The following ZRANB1 variants were observed in gnomAD, a reference collection of about 807,000 sequenced individuals.
ZRANB1 encodes zinc finger RANBP2-type containing 1.
Under a neutral mutation model 80.5 loss-of-function variants are expected in ZRANB1, and 16 were observed. The ratio of observed to expected loss-of-function variants is 0.20; its 90% CI spans 0.13 to 0.30. The LOEUF is 0.30. ZRANB1 is among the 10% of genes least tolerant of loss of function. The pLI, the probability that ZRANB1 is intolerant of heterozygous loss-of-function variation, is 1.00. For synonymous variants in ZRANB1, 291 were observed against 293.1 expected (o/e 0.99, Z 0.07); for missense variants, 576 against 862.6 (o/e 0.67, Z 4.16).
chr10:124,970,609 T>A (rs1482003379), intron 2 of ZRANB1, among the ~76,000 whole-genome samples: 8 of 152,194 alleles, frequency 5.3e-5, no homozygotes, highest in Non-Finnish European at 1.2e-4. Flanking sequence ...TATGCAGGGT[T>A]TTTGAAATAT....
rs752883452 is a variant in ZRANB1 at position 124,984,837 on chromosome 10, G to C, written c.1972G>C (p.Gly658Arg). 1.9e-5 allele frequency: 31 copies of C among 1,613,878 alleles called. No homozygotes were observed. Among genetic ancestry groups the C allele is most frequent in the East Asian group, 6.7e-5 (3 of 44,890 alleles). ...GTGGCTGGACTGCTGTGTGACGGAGGGGGGAGTTCTGGTTGCCATGCAGAA... is the reference window on the plus strand; with the variant it reads ...GTGGCTGGACTGCTGTGTGACGGAGCGGGGAGTTCTGGTTGCCATGCAGAA... ...REWLDCCVTE[G>R]GVLVAMQKSS... is the part of the protein sequence containing the mutation. The change falls in exon 9 of 9, where the codon GGG (glycine) becomes CGG (arginine). Residue 658 changes from glycine to arginine, a missense_variant. By Grantham distance (125) the Gly-to-Arg change is moderately radical (BLOSUM62 -2). Around this residue, in one of 3 missense-constraint regions of ZRANB1, gnomAD observed 152 missense variants for 221.9 expected, o/e 0.69. Coordinates refer to ENST00000359653, the MANE Select transcript of ZRANB1 (RefSeq NM_017580.3).
At chr10:124,923,998 TCTCA>T in the ZRANB1 span, among the ~76,000 whole-genome samples, 12 of 150,238 alleles carry the variant, frequency 8.0e-5, no homozygotes, top group Middle Eastern at 0.01. Context: ...AAACTGTCCC[TCTCA>T]CTCCTGAACT....
intron 1 of ZRANB1, among the ~76,000 whole-genome samples, chr10:124,952,964 A>G (rs752411814): frequency 1.2e-4 from 18 of 150,280 alleles, no homozygotes; most frequent in Non-Finnish European, 2.2e-4. Flanking sequence ...TTGCTCTGTC[A>G]CCCAGCCTGG....
In ZRANB1 at chr10:124,985,642, G is replaced by A. The variant is rs1952015618; in HGVS notation, c.*650G>A. ...CTTACTTGTTTTGAAGAGGGTTTTG[G>A]TTTTGGTTATTGTGTCTTTAAGTTT... On this transcript the variant is annotated 3_prime_UTR_variant, in exon 9 of 9. Coordinates refer to ENST00000359653, the MANE Select transcript of ZRANB1 (RefSeq NM_017580.3). The A allele has an allele frequency of 9.4e-6, 1 of 106,184 alleles. No individual in the cohort carries two copies. Among genetic ancestry groups the A allele is most frequent in the African/African-American group, 3.0e-5 (1 of 33,584 alleles). 6.6% of individuals were successfully genotyped at this position (106,184 alleles called of 1,614,324 possible).
chr10:124,939,830 A>G (rs1340436527), upstream of ZRANB1, among the ~76,000 whole-genome samples: 2 of 152,038 alleles, frequency 1.3e-5, no homozygotes, highest in Non-Finnish European at 1.5e-5. Flanking sequence ...TTAAATCTGT[A>G]TTGTCTACTT....
intron 5 of ZRANB1, among the ~76,000 whole-genome samples, chr10:124,976,806 A>G (rs537779271): frequency 6.6e-6 from 1 of 151,514 alleles, no homozygotes; most frequent in South Asian, 2.1e-4. Flanking sequence ...TCCTGAGCTC[A>G]GGCAGTCCGC....
upstream of ZRANB1, among the ~76,000 whole-genome samples, chr10:124,938,752 G>A (rs985135285): frequency 2.7e-5 from 4 of 150,734 alleles, no homozygotes; most frequent in African/African-American, 9.8e-5. Context: ...GTCATCCCAG[G>A]CTGAAGCACA....
chr10:124,930,660 AAGAT>A, the ZRANB1 span, among the ~76,000 whole-genome samples: 1 of 152,232 alleles, frequency 6.6e-6, no homozygotes, highest in Non-Finnish European at 1.5e-5. Context: ...GCTTTAGTGA[AAGAT>A]AATAAATTAT....
At chr10:124,941,198 TAAA>T (rs59781656), upstream of ZRANB1, among the ~76,000 whole-genome samples, 3 of 148,830 alleles carry the variant, frequency 2.0e-5, no homozygotes, top group African/African-American at 7.4e-5. Context: ...TTCAAGCCAT[TAAA>T]AAAAAAAAAA....
chr10:124,943,591 G>A (rs1407076355), intron 1 of ZRANB1, among the ~76,000 whole-genome samples: 3 of 152,072 alleles, frequency 2.0e-5, no homozygotes, highest in South Asian at 2.1e-4. Flanking sequence ...CATTCAGCAC[G>A]ATAGCTGTAC....
chr10:124,964,255 A>G (rs760195311), intron 1 of ZRANB1, among the ~76,000 whole-genome samples: 1 of 152,200 alleles, frequency 6.6e-6, no homozygotes, highest in South Asian at 2.1e-4. Flanking sequence ...AGAATTGGTG[A>G]TATTATTGTA....
Position 124,984,819 on chromosome 10 carries a change from G to C in ZRANB1, c.1954G>C (p.Asp652His). Residue 652 changes from aspartate (D) to histidine (H), a missense_variant, in exon 9 of 9, where the codon GAC becomes CAC. Physicochemically the swap from Asp to His is moderately conservative, Grantham distance 81 (BLOSUM62 -1). Around this residue, in one of 3 missense-constraint regions of ZRANB1, gnomAD observed 152 missense variants for 221.9 expected, o/e 0.69. Coordinates refer to ENST00000359653, the MANE Select transcript of ZRANB1 (RefSeq NM_017580.3). Reference sequence around the variant, plus strand: ...AGAAAAACTGCTCAGGGAGTGGCTGGACTGCTGTGTGACGGAGGGGGGAGT... The same window carrying C: ...AGAAAAACTGCTCAGGGAGTGGCTGCACTGCTGTGTGACGGAGGGGGGAGT... ...QQEKLLREWL[D>H]CCVTEGGVLV... 6.2e-7 allele frequency: 1 copy of C among 1,613,934 alleles called. No homozygotes were observed. Among genetic ancestry groups the C allele is most frequent in the Non-Finnish European group, 8.5e-7 (1 of 1,179,996 alleles).
rs759068549 is a variant in ZRANB1, at chr10:124,987,263, G to GAGTA, written c.*2275_*2278dup. The GAGTA allele has an allele frequency of 2.0e-4, 31 of 152,670 alleles. No homozygotes were observed. The South Asian group carries it at 2.3e-3, about 11-fold the overall frequency. 9.5% of individuals were successfully genotyped at this position (152,670 alleles called of 1,614,324 possible). A position where few individuals can be genotyped will look rare whatever the true frequency, so the allele number is the denominator to read the frequency against. The stretch of plus-strand genomic sequence containing the variant: ...ACAGACATTAATGACTGACTCTGGA[G>GAGTA]AGTAAGTCATACCTGCACTCTGTGG... On this transcript the variant is annotated 3_prime_UTR_variant, in exon 9 of 9. Coordinates refer to ENST00000359653, the MANE Select transcript of ZRANB1 (RefSeq NM_017580.3).
the ZRANB1 span, among the ~76,000 whole-genome samples, chr10:124,921,990 G>A: frequency 1.3e-5 from 2 of 151,826 alleles, no homozygotes; most frequent in Non-Finnish European, 2.9e-5. Context: ...TTTTGACACA[G>A]GGTCTTGCTG....
chr10:124,971,834 T>TA (rs1424279581), intron 2 of ZRANB1, 131 bp from the exon 3 acceptor site: 1 of 766,768 alleles, frequency 1.3e-6, no homozygotes, highest in East Asian at 2.9e-5. Flanking sequence ...AAGGAAATAA[T>TA]ACCAGTGTAT....
At chr10:124,962,675 A>G (rs1342122862) in intron 1 of ZRANB1, among the ~76,000 whole-genome samples, 3 of 145,448 alleles carry the variant, frequency 2.1e-5, no homozygotes, top group African/African-American at 5.3e-5. Context: ...ACGGAATAAT[A>G]TATGTTTGCT....
chr10:124,981,329 G>A (rs960508044), intron 5 of ZRANB1: 1 of 154,626 alleles, frequency 6.5e-6, no homozygotes, highest in African/African-American at 2.4e-5. Flanking sequence ...AAGTGATCAA[G>A]TAGGTGGTGT....
chr10:124,967,101 T>C (rs1344374891), intron 2 of ZRANB1, among the ~76,000 whole-genome samples: 3 of 152,194 alleles, frequency 2.0e-5, no homozygotes, highest in African/African-American at 7.2e-5. Context: ...TGAGAAGGGA[T>C]ACAATTGTAA....
chr10:124,970,249 T>C (rs1951810767), intron 2 of ZRANB1, among the ~76,000 whole-genome samples: 1 of 152,084 alleles, frequency 6.6e-6, no homozygotes, highest in African/African-American at 2.4e-5. Context: ...AATTTCCACG[T>C]AGGAGTTTTT....
Sources: gnomAD v4.1 joint callset for allele counts (sites outside exome capture counted in the v4.1 genomes callset) on GRCh38, gnomAD v4.1.1 for gene constraint, gnomAD v4.1.1 regional missense constraint, MANE v1.5 for transcripts, NCBI Gene and HGNC (gene_info 2026-07-23, HGNC 2026-07-21) for gene names.